CREBBP: variants seen among roughly 807,000 people sequenced by gnomAD.
The protein encoded by CREBBP is CREB-binding protein.
A neutral mutation model predicts 265.0 loss-of-function variants in CREBBP; 19 were observed. The observed-to-expected ratio is 0.07, with a 90% CI of 0.05 to 0.11. The LOEUF is 0.11. Among genes scored for constraint, CREBBP ranks in the 10% least tolerant of loss-of-function variants. The pLI is 1.00. For missense variants in CREBBP, 2,525 were observed against 3,219.0 expected (o/e 0.78, Z 5.22); for synonymous variants, 1,457 against 1,223.7 (o/e 1.19, Z -3.98).
chr16:3,794,409 G>C (rs2053568254), intron 3 of CREBBP, among the ~76,000 whole-genome samples: 1 of 135,370 alleles, frequency 7.4e-6, no homozygotes, highest in African/African-American at 2.6e-5. Context: ...ACAAACATTT[G>C]ATGTAGCAAA....
chr16:3,778,839 C>A (rs2141238708), intron 8 of CREBBP, 22 bp from the exon 9 acceptor site: 1 of 1,596,348 alleles, frequency 6.3e-7, no homozygotes, highest in South Asian at 1.1e-5. Context: ...ACACATCTAT[C>A]AAACTACTTT....
chr16:3,788,458 G>C (rs374032062), intron 5 of CREBBP, among the ~76,000 whole-genome samples: 4 of 152,238 alleles, frequency 2.6e-5, no homozygotes, highest in Non-Finnish European at 4.4e-5. Context: ...AGCCCCAAGA[G>C]GGGAACCTGC....
chr16:3,763,855 T>TA (rs2052782338), intron 16 of CREBBP, among the ~76,000 whole-genome samples: 1 of 151,062 alleles, frequency 6.6e-6, no homozygotes, highest in Admixed American at 6.6e-5. Flanking sequence ...TTTTTTTTTT[T>TA]TTTTTTTGAG....
chr16:3,776,366 GC>G (rs912284858), intron 11 of CREBBP, among the ~76,000 whole-genome samples: 8 of 152,078 alleles, frequency 5.3e-5, no homozygotes, highest in African/African-American at 1.9e-4. Context: ...GTTTTCAAAT[GC>G]TCCCTGCCCC....
chr16:3,851,714 C>T lies in CREBBP; in HGVS notation c.86-705G>A, dbSNP rs571258336. ...GTAAAAAGACAAAAAATTAGCCGGG[C>T]GCGGTGGCGGGCGCCTGTAGTCCCA... On this transcript the variant is annotated intron_variant, in intron 1 of 30. Coordinates refer to ENST00000262367, the MANE Select transcript of CREBBP (RefSeq NM_004380.3). Among the ~76,000 whole-genome samples, 30 of 151,586 alleles carry T rather than the reference C, an allele frequency of 2.0e-4. No homozygotes were observed. The East Asian group carries it at 3.9e-3, about 20-fold the overall frequency.
At chr16:3,802,893 G>A (rs2053747169) in intron 3 of CREBBP, among the ~76,000 whole-genome samples, 2 of 151,970 alleles carry the variant, frequency 1.3e-5, no homozygotes, top group African/African-American at 4.8e-5. Flanking sequence ...ATCAGAAAAC[G>A]ATACCAAAGC....
chr16:3,761,723 C>G (rs535027160), intron 16 of CREBBP, among the ~76,000 whole-genome samples: 27 of 152,354 alleles, frequency 1.8e-4, no homozygotes, highest in Non-Finnish European at 2.2e-4. Flanking sequence ...GTGCAAAGGC[C>G]TGGTCCAGGG....
intron 24 of CREBBP, among the ~76,000 whole-genome samples, chr16:3,739,953 T>C (rs945966509): frequency 6.6e-6 from 1 of 152,176 alleles, no homozygotes; most frequent in Non-Finnish European, 1.5e-5. Flanking sequence ...GTGAATGAAA[T>C]ACGGGATTCT....
At chr16:3,734,169 C>T (rs888967734) in intron 28 of CREBBP, among the ~76,000 whole-genome samples, 2 of 152,080 alleles carry the variant, frequency 1.3e-5, no homozygotes, top group Non-Finnish European at 2.9e-5. Flanking sequence ...GACACTATCG[C>T]GAGCCTTTCC....
At chr16:3,752,798 T>C (rs1003251054) in intron 19 of CREBBP, among the ~76,000 whole-genome samples, 1 of 152,228 alleles carries the variant, frequency 6.6e-6, no homozygotes, top group Non-Finnish European at 1.5e-5. Context: ...TAAAGAACAA[T>C]CTGCATTTGA....
intron 25 of CREBBP, chr16:3,739,370 C>T: frequency 1.6e-6 from 1 of 633,444 alleles, no homozygotes. Flanking sequence ...ACTCGCCACA[C>T]AAAACACGCT....
chr16:3,863,230 A>G (rs1197141639), intron 1 of CREBBP, among the ~76,000 whole-genome samples: 5 of 152,186 alleles, frequency 3.3e-5, no homozygotes, highest in Non-Finnish European at 5.9e-5. Context: ...AATGCACTTG[A>G]TGGCTGTACT....
chr16:3,747,717 C>T (rs965271865), intron 21 of CREBBP, among the ~76,000 whole-genome samples: 6 of 152,150 alleles, frequency 3.9e-5, no homozygotes, highest in Non-Finnish European at 5.9e-5. Flanking sequence ...AATCCCAGCA[C>T]TTTGGGAGGC....
At chr16:3,781,551 T>G (rs2053274076) in intron 6 of CREBBP, among the ~76,000 whole-genome samples, 1 of 152,062 alleles carries the variant, frequency 6.6e-6, no homozygotes, top group South Asian at 2.1e-4. Flanking sequence ...AAGTAAGGTG[T>G]GTTTATGGAG....
rs2141345677 is a variant in CREBBP at position 3,810,421 on chromosome 16, T to A, written c.975+182A>T. 1.3e-5 allele frequency among the ~76,000 whole-genome samples: 2 copies of A among 151,896 alleles called. 1 individual carries two copies. Among genetic ancestry groups the A allele is most frequent in the South Asian group, 4.2e-4 (2 of 4,798 alleles). ...AATCATCCTCACCTATCTCTCCTGTTGCTAGCTCATCACAGAAAATGTTAA... is the reference window on the plus strand; with the variant it reads ...AATCATCCTCACCTATCTCTCCTGTAGCTAGCTCATCACAGAAAATGTTAA... On this transcript the variant is annotated intron_variant, in intron 3 of 30. Transcript: ENST00000262367.
At chr16:3,850,275 G>C (rs767068948) in intron 2 of CREBBP, 22 bp downstream of exon 2, 8 of 1,613,108 alleles carry the variant, frequency 5.0e-6, no homozygotes, top group East Asian at 2.2e-5. Flanking sequence ...AGGAAGTATT[G>C]AAAGTGCTTC....
chr16:3,734,135 C>T (rs1338614450), intron 28 of CREBBP, among the ~76,000 whole-genome samples: 2 of 152,158 alleles, frequency 1.3e-5, no homozygotes, highest in African/African-American at 4.8e-5. Flanking sequence ...ACACAGGGAG[C>T]TGGTTCCGTT....
At chr16:3,739,851 G>A (rs930181793) in intron 24 of CREBBP, 127 bp from the exon 25 acceptor site, 4 of 1,313,030 alleles carry the variant, frequency 3.0e-6, no homozygotes, top group South Asian at 1.2e-5. Context: ...TCCTCAGACC[G>A]TGGCCTGGAG....
In CREBBP at chr16:3,780,771, T is replaced by C; in HGVS notation, c.1784A>G (p.His595Arg). Residue 595 changes from histidine to arginine, a missense_variant, in exon 8 of 31, where the codon CAT (histidine) becomes CGT (arginine). Physicochemically the swap from His to Arg is conservative, Grantham distance 29 (BLOSUM62 0). Around this residue, in one of 19 missense-constraint regions of CREBBP, gnomAD observed 144 missense variants for 134.0 expected, o/e 1.07. Transcript: ENST00000262367. Reference sequence around the variant, plus strand: ...ATGGCTCCGCAGGTCCTGAGTGACATGTTCGTGCCAGCCTTTCCTTACACC... The same window carrying C: ...ATGGCTCCGCAGGTCCTGAGTGACACGTTCGTGCCAGCCTTTCCTTACACC... ...STGVRKGWHE[H>R]VTQDLRSHLV... 1 of 1,614,054 alleles carries C rather than the reference T, an allele frequency of 6.2e-7. No homozygotes were observed. Among genetic ancestry groups the C allele is most frequent in the Non-Finnish European group, 8.5e-7 (1 of 1,180,038 alleles).
Sources: allele counts gnomAD v4.1 joint callset (sites outside exome capture counted in the v4.1 genomes callset), GRCh38; gene constraint gnomAD v4.1.1; regional missense constraint gnomAD v4.1.1; transcripts MANE v1.5; gene names NCBI Gene and HGNC (gene_info 2026-07-23, HGNC 2026-07-21).